Variants in CCDC14 observed in about 807,000 individuals in gnomAD.
CCDC14 encodes coiled-coil domain-containing protein 14.
A neutral mutation model predicts 81.4 loss-of-function variants in CCDC14; 71 were observed. That is an observed-to-expected ratio of 0.87 (90% CI 0.72 to 1.06). CCDC14 has a LOEUF of 1.06. CCDC14 is among the 50% of genes least tolerant of loss of function. The pLI, the probability that CCDC14 is intolerant of heterozygous loss-of-function variation, is 0.00. For synonymous variants in CCDC14, 332 were observed against 364.8 expected, an observed-to-expected ratio of 0.91 and a Z score of 1.03; for missense variants, 1,046 against 1,047.3, an observed-to-expected ratio of 1.00 and a Z score of 0.02.
chr3:123,955,935 G>T lies in CCDC14; in HGVS notation c.260C>A (p.Ser87Tyr). The T allele has an allele frequency of 6.5e-7, 1 of 1,528,544 alleles. No individual in the cohort carries two copies. Among genetic ancestry groups the T allele is most frequent in the Non-Finnish European group, 8.8e-7 (1 of 1,133,874 alleles). 94.7% of individuals were successfully genotyped at this position (1,528,544 alleles called of 1,614,324 possible). A position where few individuals can be genotyped will look rare whatever the true frequency, so the allele number is the denominator to read the frequency against. The change falls in exon 5 of 13, where the codon TCT becomes TAT. Residue 87 changes from serine to tyrosine, a missense_variant. By Grantham distance (144) the Ser-to-Tyr change is moderately radical. Coordinates refer to ENST00000409697, the MANE Select transcript of CCDC14 (RefSeq NM_001366335.1). ...TTTGCTTTCTAAAGGTCTAGAATTA[G>T]ATCTGTTTTCTAAATATGCTGTTTC... ...GSETAYLENR[S>Y]NSRPLESKRY...
At position 123,947,297 on chromosome 3, in the gene CCDC14, C is replaced by CT. The variant is rs1194573070; in HGVS notation, c.706dup (p.Ser236LysfsTer8). 10 of 1,609,654 alleles carry CT rather than the reference C, an allele frequency of 6.2e-6. No individual in the cohort carries two copies. The highest frequency in any genetic ancestry group is 1.7e-5 in the Admixed American group (1 of 59,856). ...TGTTTTACCTTGTGATGCAAACTGA[C>CT]TGTTGCCATCAGTTTGAACTTCCTA... On this transcript the variant is annotated frameshift_variant, in exon 8 of 13. Transcript: ENST00000409697. LOFTEE classifies it high-confidence loss of function.
intron 12 of CCDC14, among the ~76,000 whole-genome samples, chr3:123,926,681 A>G (rs1436758003): frequency 6.6e-6 from 1 of 151,872 alleles, no homozygotes; most frequent in Admixed American, 6.6e-5. Flanking sequence ...TGACACAGGC[A>G]CATTTAAAAT....
chr3:123,925,446 T>C (rs1174996466), intron 12 of CCDC14, among the ~76,000 whole-genome samples: 2 of 150,106 alleles, frequency 1.3e-5, no homozygotes, highest in Non-Finnish European at 3.0e-5. Context: ...TGACTATACT[T>C]TTTTTTTTAG....
chr3:123,889,046 C>A, the CCDC14 span, among the ~76,000 whole-genome samples: 10 of 152,130 alleles, frequency 6.6e-5, no homozygotes, highest in Non-Finnish European at 1.2e-4. Context: ...CCTGTAAAAT[C>A]AAAAACAACT....
chr3:123,895,466 A>C (rs185994206), downstream of CCDC14, among the ~76,000 whole-genome samples: 153 of 152,294 alleles, frequency 1.0e-3, 2 homozygotes, highest in East Asian at 2.7e-3. Context: ...GCTGAGGCTA[A>C]AAGTCTGCTA....
intron 12 of CCDC14, among the ~76,000 whole-genome samples, chr3:123,923,740 C>T (rs12633270): frequency 0.11 from 16,255 of 150,156 alleles, 1,981 homozygotes; most frequent in East Asian, 0.42. Context: ...TAAATATATA[C>T]ATATATTATT....
intron 12 of CCDC14, among the ~76,000 whole-genome samples, chr3:123,926,231 G>A (rs2035352527): frequency 6.6e-6 from 1 of 152,004 alleles, no homozygotes; most frequent in African/African-American, 2.4e-5. Context: ...TGTATAAACA[G>A]AATATGACTC....
downstream of CCDC14, among the ~76,000 whole-genome samples, chr3:123,894,292 G>C (rs1271156964): frequency 2.6e-5 from 4 of 152,148 alleles, no homozygotes; most frequent in Admixed American, 6.5e-5. Context: ...TTTATTTCTA[G>C]ACTCTCCATT....
intron 5 of CCDC14, among the ~76,000 whole-genome samples, chr3:123,897,847 T>C (rs2034099685): frequency 6.6e-6 from 1 of 152,126 alleles, no homozygotes. Flanking sequence ...ACCCAGCACA[T>C]CAAAGGCCAT....
intron 9 of CCDC14, among the ~76,000 whole-genome samples, chr3:123,934,642 T>C (rs1275512323): frequency 2.0e-5 from 3 of 152,198 alleles, no homozygotes; most frequent in Non-Finnish European, 4.4e-5. Context: ...CTTCACAATA[T>C]GTATCTGCTT....
intron 5 of CCDC14, among the ~76,000 whole-genome samples, chr3:123,908,300 G>C (rs369824980): frequency 6.6e-6 from 1 of 152,114 alleles, no homozygotes; most frequent in Non-Finnish European, 1.5e-5. Flanking sequence ...CTTTGAGATC[G>C]TATCTCCTCA....
At chr3:123,896,224 A>T (rs2034060319), downstream of CCDC14, among the ~76,000 whole-genome samples, 1 of 152,168 alleles carries the variant, frequency 6.6e-6, no homozygotes. Flanking sequence ...TTATAAGAAG[A>T]GGACTAGCAC....
intron 9 of CCDC14, among the ~76,000 whole-genome samples, chr3:123,939,080 T>G (rs2036209090): frequency 6.6e-6 from 1 of 151,928 alleles, no homozygotes; most frequent in Non-Finnish European, 1.5e-5. Flanking sequence ...TTTGTTTTGT[T>G]TTTTAAAGGA....
chr3:123,948,537 G>A (rs1475449877), intron 7 of CCDC14, among the ~76,000 whole-genome samples, 154 bp downstream of exon 7: 1 of 151,936 alleles, frequency 6.6e-6, no homozygotes, highest in East Asian at 1.9e-4. Flanking sequence ...CACGGCGCTC[G>A]GCCATAAACA....
At chr3:123,924,708 A>G (rs753924377) in intron 12 of CCDC14, among the ~76,000 whole-genome samples, 7 of 152,168 alleles carry the variant, frequency 4.6e-5, no homozygotes, top group Non-Finnish European at 1.0e-4. Context: ...ATGAGATATC[A>G]TCTCACACCT....
intron 1 of CCDC14, chr3:123,958,237 C>T (rs1247694811): frequency 7.9e-5 from 12 of 152,034 alleles, no homozygotes; most frequent in African/African-American, 2.9e-4. Flanking sequence ...AATAAAAAAT[C>T]CAAGCCATGA....
chr3:123,904,699 A>G (rs911640827), intron 5 of CCDC14, among the ~76,000 whole-genome samples: 2 of 151,958 alleles, frequency 1.3e-5, no homozygotes, highest in Admixed American at 6.6e-5. Context: ...ATAAAAGTTT[A>G]ACAAGATTTT....
Position 123,948,870 on chromosome 3 carries a change from G to A in CCDC14, c.589+26C>T, listed in dbSNP as rs145834079. 129 of 1,597,496 alleles carry A rather than the reference G, an allele frequency of 8.1e-5. No homozygotes were observed. The African/African-American group carries it at 1.4e-3, about 17-fold the overall frequency. On this transcript the variant is annotated intron_variant, in intron 6 of 12. Coordinates refer to ENST00000409697, the MANE Select transcript of CCDC14 (RefSeq NM_001366335.1). ...CAATTTAATTAGAACTTACACTCAC[G>A]ATTTTTAAACAGCATTCGTACTCAC...
At chr3:123,941,261 A>G (rs893938671) in intron 9 of CCDC14, among the ~76,000 whole-genome samples, 4 of 152,062 alleles carry the variant, frequency 2.6e-5, no homozygotes, top group South Asian at 4.1e-4. Flanking sequence ...CTGAATAACT[A>G]TATCAGAAGA....
Sources: allele counts gnomAD v4.1 joint callset (sites outside exome capture counted in the v4.1 genomes callset), GRCh38; gene constraint gnomAD v4.1.1; transcripts MANE v1.5; gene names NCBI Gene and HGNC (gene_info 2026-07-23, HGNC 2026-07-21).